Variants in SYT2 observed in about 807,000 individuals in gnomAD.
The protein encoded by SYT2 is synaptotagmin 2, also known as synaptotagmin-2.
SYT2 carries 15 observed loss-of-function variants against 39.9 expected under a neutral mutation model. That is an observed-to-expected ratio of 0.38 (90% confidence interval 0.25 to 0.58). The LOEUF (loss-of-function observed/expected upper bound fraction) is 0.58. SYT2 is among the 20% of genes least tolerant of loss of function. SYT2 has a pLI of 0.70. For missense variants in SYT2, 389 were observed against 530.3 expected, an observed-to-expected ratio of 0.73 and a Z score of 2.62; for synonymous variants, 181 against 204.5, an observed-to-expected ratio of 0.89 and a Z score of 0.98.
At chr1:202,612,810 A>G (rs1690922772) in intron 1 of SYT2, among the ~76,000 whole-genome samples, 2 of 152,228 alleles carry the variant, frequency 1.3e-5, no homozygotes, top group African/African-American at 2.4e-5. Context: ...CTCAGGGATC[A>G]TATCAACAAC....
intron 1 of SYT2, among the ~76,000 whole-genome samples, chr1:202,707,504 CCA>C (rs1198546671): frequency 6.6e-6 from 1 of 152,154 alleles, no homozygotes; most frequent in Non-Finnish European, 1.5e-5. Context: ...CTGGGGAAGT[CCA>C]CAGAGCAAAT....
At chr1:202,616,487 C>T (rs1021904557) in intron 1 of SYT2, among the ~76,000 whole-genome samples, 2 of 152,168 alleles carry the variant, frequency 1.3e-5, no homozygotes, top group Non-Finnish European at 2.9e-5. Context: ...CACTTGCACA[C>T]ACATACACAT....
Position 202,650,716 on chromosome 1 carries a change from C to T in SYT2, c.-17-44927G>A, listed in dbSNP as rs957032426. Among the ~76,000 whole-genome samples, 5 of 152,276 alleles carry T rather than the reference C, an allele frequency of 3.3e-5. No homozygotes were observed. In the East Asian group the frequency reaches 9.6e-4, roughly 29 times the overall value. On this transcript the variant is annotated intron_variant, in intron 1 of 8. Coordinates refer to ENST00000367268, the MANE Select transcript of SYT2 (RefSeq NM_177402.5). ...GAGTTTGGAAGTTTGCTGGGGGAGA[C>T]AGGCACATAGGCAGATAACAGTGCA... is the stretch of plus-strand genomic sequence containing the variant.
intron 1 of SYT2, among the ~76,000 whole-genome samples, chr1:202,674,850 C>T (rs1558457683): frequency 6.6e-6 from 1 of 152,072 alleles, no homozygotes; most frequent in South Asian, 2.1e-4. Flanking sequence ...TCAGACTGGC[C>T]GGCCCCCTCC....
intron 1 of SYT2, among the ~76,000 whole-genome samples, chr1:202,661,887 T>C (rs1692389412): frequency 6.6e-6 from 1 of 152,200 alleles, no homozygotes; most frequent in Non-Finnish European, 1.5e-5. Flanking sequence ...CATTTACCCA[T>C]TCATTAGTTC....
chr1:202,704,645 C>T (rs914207050), intron 1 of SYT2, among the ~76,000 whole-genome samples: 1 of 152,212 alleles, frequency 6.6e-6, no homozygotes, highest in Non-Finnish European at 1.5e-5. Context: ...CTCCCCAGCC[C>T]ACCCCTAGGA....
intron 1 of SYT2, among the ~76,000 whole-genome samples, chr1:202,707,775 T>C (rs556396500): frequency 3.9e-5 from 6 of 152,264 alleles, no homozygotes; most frequent in African/African-American, 1.2e-4. Context: ...AATGTTCAGA[T>C]GGAGGCAGAA....
chr1:202,695,505 C>T (rs1349430082), intron 1 of SYT2, among the ~76,000 whole-genome samples: 2 of 152,300 alleles, frequency 1.3e-5, no homozygotes, highest in East Asian at 3.9e-4. Flanking sequence ...CTTCTCAGAG[C>T]CATATTTATA....
chr1:202,698,988 A>G lies in SYT2; in HGVS notation c.-18+11270T>C, dbSNP rs189010074. 2.6e-3 allele frequency among the ~76,000 whole-genome samples: 385 copies of G among 146,046 alleles called. 2 individuals are homozygous for G. The highest frequency in any genetic ancestry group is 4.6e-3 in the Non-Finnish European group (306 of 66,532). ...TTCCTCTGCATCCAGAGCTGTGTGGATAGAACCAGTAACCAAACTGTCTTT... is the reference window on the plus strand; with the variant it reads ...TTCCTCTGCATCCAGAGCTGTGTGGGTAGAACCAGTAACCAAACTGTCTTT... On this transcript the variant is annotated intron_variant, in intron 1 of 8. Transcript: ENST00000367268.
chr1:202,607,855 T>C (rs1690759144), intron 1 of SYT2, among the ~76,000 whole-genome samples: 1 of 151,696 alleles, frequency 6.6e-6, no homozygotes, highest in Non-Finnish European at 1.5e-5. Context: ...CCCTCACTTC[T>C]ACCACACTGT....
At chr1:202,664,251 A>C (rs538460137) in intron 1 of SYT2, among the ~76,000 whole-genome samples, 17 of 152,208 alleles carry the variant, frequency 1.1e-4, no homozygotes, top group African/African-American at 3.9e-4. Context: ...CATGCCTCTC[A>C]TTCTGGTTCA....
chr1:202,664,591 T>C (rs1176802189), intron 1 of SYT2, among the ~76,000 whole-genome samples: 1 of 152,208 alleles, frequency 6.6e-6, no homozygotes, highest in Non-Finnish European at 1.5e-5. Flanking sequence ...TGTCAAGTTT[T>C]GCTTGTTTGA....
At chr1:202,613,068 CTTTTTTTTTTTTTTT>C (rs146069389) in intron 1 of SYT2, among the ~76,000 whole-genome samples, 13 of 75,114 alleles carry the variant, frequency 1.7e-4, no homozygotes, top group East Asian at 1.2e-3. Flanking sequence ...TTGGTTCTTC[CTTTTTTTTTTTTTTT>C]TTTTTTTTTT....
chr1:202,604,278 C>A (rs12037647), intron 3 of SYT2, 177 bp downstream of exon 3: 331 of 652,134 alleles, frequency 5.1e-4, no homozygotes, highest in South Asian at 1.1e-3. Flanking sequence ...AAGGCCCCCC[C>A]CTCCCAGGGG....
At position 202,685,076 on chromosome 1, in the gene SYT2, G is replaced by A. The variant is rs540396764; in HGVS notation, c.-18+25182C>T. Among the ~76,000 whole-genome samples the A allele has an allele frequency of 4.6e-5, 7 of 152,294 alleles. No individual in the cohort carries two copies. The East Asian group carries it at 1.2e-3, about 25-fold the overall frequency. ...AAGAGAGAGGTTAGACCCAGTGGTC[G>A]CCTGTGAGGGGAAGTCTGAGAGTTC... On this transcript the variant is annotated intron_variant, in intron 1 of 8. Transcript: ENST00000367268.
chr1:202,702,177 C>T (rs1161151907), intron 1 of SYT2, among the ~76,000 whole-genome samples: 1 of 152,190 alleles, frequency 6.6e-6, no homozygotes, highest in Non-Finnish European at 1.5e-5. Context: ...AGTAGGAGAC[C>T]TAATGGGGGT....
intron 1 of SYT2, among the ~76,000 whole-genome samples, chr1:202,676,380 CT>C (rs1653375101): frequency 6.6e-6 from 1 of 152,370 alleles, no homozygotes; most frequent in South Asian, 2.1e-4. Flanking sequence ...CCTCTCTGAA[CT>C]CCTCTACTCA....
chr1:202,626,502 C>T (rs1271906986), intron 1 of SYT2, among the ~76,000 whole-genome samples: 12 of 149,728 alleles, frequency 8.0e-5, no homozygotes, highest in African/African-American at 2.2e-4. Flanking sequence ...TCGACCCCCA[C>T]GAGTAGCTGG....
intron 2 of SYT2, 66 bp downstream of exon 2, chr1:202,605,529 C>T (rs1476333412): frequency 6.7e-7 from 1 of 1,484,308 alleles, no homozygotes; most frequent in Non-Finnish European, 9.3e-7. Context: ...AGTGGTATCC[C>T]CACCCTTCTT....
Sources: allele counts gnomAD v4.1 joint callset (sites outside exome capture counted in the v4.1 genomes callset), GRCh38; gene constraint gnomAD v4.1.1; transcripts MANE v1.5; gene names NCBI Gene and HGNC (gene_info 2026-07-23, HGNC 2026-07-21).